The following ACAD10 variants were observed in gnomAD, a reference collection of about 807,000 sequenced individuals.
ACAD10 encodes the protein acyl-CoA dehydrogenase family member 10, also known as ACAD-10.
In ACAD10, 112 loss-of-function variants were observed where a neutral mutation model predicts 116.8. That is an observed-to-expected ratio of 0.96 (90% CI 0.82 to 1.12). The LOEUF (loss-of-function observed/expected upper bound fraction) is 1.12, where lower values mean the gene tolerates loss of function less well. Ranked by LOEUF, ACAD10 falls within the 50% of genes most tolerant of loss-of-function variation. ACAD10 has a pLI of 0.00. For synonymous variants in ACAD10, 486 were observed against 510.6 expected (o/e 0.95, Z 0.65); for missense variants, 1,259 against 1,350.2 (o/e 0.93, Z 1.06).
intron 10 of ACAD10, 79 bp from the exon 11 acceptor site, chr12:111,733,844 A>G: frequency 6.3e-7 from 1 of 1,582,566 alleles, no homozygotes; most frequent in Non-Finnish European, 8.6e-7. Context: ...CCAAGCCTAA[A>G]GGGCAAACAG....
At chr12:111,725,510 T>TC (rs1477066960) in intron 8 of ACAD10, among the ~76,000 whole-genome samples, 2 of 151,588 alleles carry the variant, frequency 1.3e-5, no homozygotes, top group Non-Finnish European at 2.9e-5. Context: ...TGAGACCCTG[T>TC]CTTTTTTTTT....
At chr12:111,753,639 C>T (rs1394816767) in intron 18 of ACAD10, 133 bp from the exon 19 acceptor site, 1 of 1,205,824 alleles carries the variant, frequency 8.3e-7, no homozygotes. Context: ...AGAAGATGCA[C>T]AGTCCTGGTT....
chr12:111,756,089 A>AC, intron 20 of ACAD10: 2 of 1,358,472 alleles, frequency 1.5e-6, no homozygotes, highest in Non-Finnish European at 1.9e-6. Context: ...TTAGATCCTA[A>AC]CCCCCGGCCC....
At chr12:111,746,373 C>G in intron 14 of ACAD10, 89 bp downstream of exon 14, 1 of 1,402,776 alleles carries the variant, frequency 7.1e-7, no homozygotes, top group Admixed American at 2.6e-5. Flanking sequence ...GATTCAGAAG[C>G]ACTGGCATGA....
chr12:111,706,620 T>G (rs1298196343), intron 4 of ACAD10, among the ~76,000 whole-genome samples: 1 of 151,210 alleles, frequency 6.6e-6, no homozygotes, highest in African/African-American at 2.4e-5. Context: ...TGGCTAATTT[T>G]TATATTTTTA....
intron 12 of ACAD10, 111 bp from the exon 13 acceptor site, chr12:111,744,532 C>T (rs951223463): frequency 7.5e-7 from 1 of 1,341,592 alleles, no homozygotes; most frequent in Non-Finnish European, 1.0e-6. Flanking sequence ...TGGTACTTAG[C>T]AAGTGCTCAG....
intron 2 of ACAD10, among the ~76,000 whole-genome samples, chr12:111,697,282 G>A (rs1392283244): frequency 3.3e-5 from 5 of 151,272 alleles, no homozygotes; most frequent in African/African-American, 1.2e-4. Context: ...TAATGATTTC[G>A]AAACTTCAAA....
At chr12:111,743,840 A>G (rs989514845) in intron 12 of ACAD10, among the ~76,000 whole-genome samples, 1 of 151,782 alleles carries the variant, frequency 6.6e-6, no homozygotes, top group East Asian at 2.0e-4. Context: ...TCTGCCTCCC[A>G]GGTTCAAGCG....
intron 2 of ACAD10, among the ~76,000 whole-genome samples, chr12:111,694,805 C>A (rs1289794377): frequency 6.6e-6 from 1 of 152,168 alleles, no homozygotes; most frequent in African/African-American, 2.4e-5. Context: ...GTGGGCAGAT[C>A]GCTTGAGCAC....
intron 10 of ACAD10, among the ~76,000 whole-genome samples, chr12:111,730,683 C>T (rs1215231934): frequency 6.6e-6 from 1 of 152,070 alleles, no homozygotes; most frequent in African/African-American, 2.4e-5. Flanking sequence ...TCTTCTTGCC[C>T]ATCTGGGGAC....
rs757857362 is a variant in ACAD10, at chr12:111,736,968, G to A, written c.1678G>A (p.Ala560Thr). ...GGCTTTTTCCTTTTTCCGTGTGGCT[G>A]CAATCCTACAGGGAGTCTACAAGCG... ...YMAFSFFRVA[A>T]ILQGVYKRSL... Residue 560 changes from alanine to threonine, a missense_variant, in exon 12 of 21, where the codon GCA becomes ACA. Ala to Thr is a moderately conservative substitution (Grantham distance 58). Transcript: ENST00000313698. 1.7e-5 allele frequency: 27 copies of A among 1,613,736 alleles called. No homozygotes were observed. The highest frequency in any genetic ancestry group is 3.3e-4 in the Middle Eastern group (2 of 6,080).
rs1890002923 is a variant in ACAD10, at chr12:111,749,237, T to C, written c.2709T>C (p.Pro903=). Residue 903 remains proline, a synonymous_variant, in exon 18 of 21, where the codon CCT becomes CCC. Transcript: ENST00000313698. ...CCAAAGAGAACATGGTCCTGGGCCC[T>C]GGCCGAGGCTTTGAGATCGCCCAGG... ...RVPKENMVLG[P]GRGFEIAQGR... is the part of the protein sequence containing the mutation. 2.5e-6 allele frequency: 4 copies of C among 1,614,118 alleles called. No homozygotes were observed. Among genetic ancestry groups the C allele is most frequent in the Non-Finnish European group, 3.4e-6 (4 of 1,180,016 alleles).
chr12:111,689,958 G>A (rs866967645), intron 1 of ACAD10, among the ~76,000 whole-genome samples: 9 of 152,034 alleles, frequency 5.9e-5, no homozygotes, highest in South Asian at 2.1e-4. Context: ...TTTGTGATCC[G>A]CCCGCCTCGG....
At chr12:111,723,472 C>T (rs1889101235) in intron 8 of ACAD10, among the ~76,000 whole-genome samples, 11 of 140,164 alleles carry the variant, frequency 7.8e-5, no homozygotes, top group Admixed American at 6.9e-4. Flanking sequence ...GGGGGGCTGA[C>T]CCCCCCGCCT....
chr12:111,719,796 C>T lies in ACAD10; in HGVS notation c.993-1875C>T, dbSNP rs774485784. Reference sequence around the variant, plus strand: ...AGGCTGGAGCGCAGTGGCACGATCTCGGCCCACTGCAAGCTCCGCCTCCCA... The same window carrying T: ...AGGCTGGAGCGCAGTGGCACGATCTTGGCCCACTGCAAGCTCCGCCTCCCA... On this transcript the variant is annotated intron_variant, in intron 7 of 20. Coordinates refer to ENST00000313698, the MANE Select transcript of ACAD10 (RefSeq NM_025247.6). Among the ~76,000 whole-genome samples, 5 of 151,974 alleles carry T rather than the reference C, an allele frequency of 3.3e-5. No homozygotes were observed. In the South Asian group the frequency reaches 6.3e-4, roughly 19 times the overall value.
intron 7 of ACAD10, among the ~76,000 whole-genome samples, chr12:111,716,965 A>G (rs533864558): frequency 6.6e-5 from 10 of 152,252 alleles, no homozygotes; most frequent in Non-Finnish European, 1.5e-4. Context: ...AATGACAGTA[A>G]TAGTAATAGC....
Position 111,744,992 on chromosome 12 carries a change from C to T in ACAD10, c.2064C>T (p.His688=). ...CTGCAGAGCCAGAGCTGCAGAGTCA[C>T]CAGGCCTCAGCAGCCAGGTGGAGCC... ...VYPAEPELQS[H]QASAARWSPS... Residue 688 remains histidine (H), a synonymous_variant, in exon 13 of 21, where the codon CAC becomes CAT. Transcript: ENST00000313698. The T allele has an allele frequency of 1.2e-6, 2 of 1,614,066 alleles. No individual in the cohort carries two copies. Among genetic ancestry groups the T allele is most frequent in the African/African-American group, 1.3e-5 (1 of 75,042 alleles).
rs560344796 is a variant in ACAD10, at chr12:111,718,036, C to CTTTTTTTTTT, written c.992+2096_992+2105dup. Among the ~76,000 whole-genome samples the CTTTTTTTTTT allele has an allele frequency of 8.2e-4, 52 of 63,674 alleles. 7 individuals carry two copies. The highest frequency in any genetic ancestry group is 3.9e-3 in the African/African-American group (47 of 12,204). 41.8% of individuals were successfully genotyped at this position (63,674 alleles called of 152,430 possible). A position where few individuals can be genotyped will look rare whatever the true frequency, so the allele number is the denominator to read the frequency against. ...TATACGTAGGATCTATAGTGATATC[C>CTTTTTTTTTT]TTTTTTTTTTTTTTTTTTTTTTTTT... On this transcript the variant is annotated intron_variant, in intron 7 of 20. Coordinates refer to ENST00000313698, the MANE Select transcript of ACAD10 (RefSeq NM_025247.6).
At position 111,718,797 on chromosome 12, in the gene ACAD10, C is replaced by T. The variant is rs147596412; in HGVS notation, c.992+2835C>T. ...CCTGGCCTGTTTTTCTTTTCTAATACAAGCATTTAAATATATAACTTTTAA... is the reference window on the plus strand; with the variant it reads ...CCTGGCCTGTTTTTCTTTTCTAATATAAGCATTTAAATATATAACTTTTAA... On this transcript the variant is annotated intron_variant, in intron 7 of 20. Transcript: ENST00000313698. Among the ~76,000 whole-genome samples the T allele has an allele frequency of 1.3e-3, 199 of 151,924 alleles. 1 individual carries two copies. The highest frequency in any genetic ancestry group is 2.4e-3 in the Non-Finnish European group (160 of 67,918).
Sources: gnomAD v4.1 joint callset for allele counts (sites outside exome capture counted in the v4.1 genomes callset) on GRCh38, gnomAD v4.1.1 for gene constraint, MANE v1.5 for transcripts, NCBI Gene and HGNC (gene_info 2026-07-23, HGNC 2026-07-21) for gene names.